LINGO2: variants seen among roughly 807,000 people sequenced by gnomAD.
LINGO2 encodes the protein leucine rich repeat and Ig domain containing 2, also known as leucine-rich repeat and immunoglobulin-like domain-containing nogo receptor-interacting protein 2.
A neutral mutation model predicts 30.6 loss-of-function variants in LINGO2; 14 were observed. The ratio of observed to expected loss-of-function variants is 0.46; its 90% CI spans 0.30 to 0.72. The LOEUF is 0.72. Ranked by LOEUF, LINGO2 falls within the 30% of genes least tolerant of loss-of-function variation. The pLI is 0.07. For missense variants in LINGO2, 729 were observed against 751.7 expected, an observed-to-expected ratio of 0.97 and a Z score of 0.35; for synonymous variants, 317 against 288.5, an observed-to-expected ratio of 1.10 and a Z score of -1.00.
the LINGO2 span, among the ~76,000 whole-genome samples, chr9:29,179,158 A>AATATATATATAT: frequency 1.9e-3 from 193 of 101,572 alleles, 1 homozygote; most frequent in Non-Finnish European, 2.5e-3. Context: ...TCTTACTGTA[A>AATATATATATAT]ATATATATAT....
At chr9:28,872,659 A>G in the LINGO2 span, among the ~76,000 whole-genome samples, 3 of 152,108 alleles carry the variant, frequency 2.0e-5, no homozygotes, top group African/African-American at 7.2e-5. Context: ...CTGGCAGGTG[A>G]TCATAACCAT....
intron 2 of LINGO2, among the ~76,000 whole-genome samples, chr9:28,474,056 T>A (rs1028482669): frequency 2.6e-5 from 4 of 152,100 alleles, no homozygotes; most frequent in African/African-American, 4.8e-5. Flanking sequence ...GTAAAATAAT[T>A]ATTAATAAAA....
At chr9:28,039,698 T>TA (rs1824110470) in intron 4 of LINGO2, among the ~76,000 whole-genome samples, 1 of 152,164 alleles carries the variant, frequency 6.6e-6, no homozygotes, top group South Asian at 2.1e-4. Flanking sequence ...GAGTGAAGGC[T>TA]AACTCAATCA....
chr9:28,528,423 T>C (rs983326162), intron 1 of LINGO2, among the ~76,000 whole-genome samples: 4 of 152,116 alleles, frequency 2.6e-5, no homozygotes, highest in African/African-American at 9.7e-5. Flanking sequence ...AGCACCAACA[T>C]GAAATTCTAC....
intron 4 of LINGO2, among the ~76,000 whole-genome samples, chr9:28,157,333 A>G (rs945688662): frequency 9.2e-5 from 14 of 152,186 alleles, no homozygotes; most frequent in Non-Finnish European, 1.5e-4. Context: ...CAAGCTCTAC[A>G]TTGACCCCTT....
intron 5 of LINGO2, among the ~76,000 whole-genome samples, chr9:27,985,937 C>A (rs1821103702): frequency 6.6e-6 from 1 of 151,852 alleles, no homozygotes. Flanking sequence ...TTTTCAATTT[C>A]CTCTCCAACC....
At chr9:28,095,402 G>A (rs1035605675) in intron 4 of LINGO2, among the ~76,000 whole-genome samples, 2 of 152,134 alleles carry the variant, frequency 1.3e-5, no homozygotes, top group African/African-American at 2.4e-5. Context: ...CAGAAATAAC[G>A]CCGCATATCT....
chr9:28,772,759 T>C, the LINGO2 span, among the ~76,000 whole-genome samples: 2 of 152,160 alleles, frequency 1.3e-5, no homozygotes, highest in African/African-American at 4.8e-5. Context: ...AGAAAAAAAG[T>C]TAACTTTAAA....
chr9:29,051,076 C>T, the LINGO2 span, among the ~76,000 whole-genome samples: 1 of 152,200 alleles, frequency 6.6e-6, no homozygotes, highest in Admixed American at 6.5e-5. Context: ...ATACTCCCTG[C>T]TCCAAGCAAT....
the LINGO2 span, among the ~76,000 whole-genome samples, chr9:28,704,275 G>A: frequency 2.0e-5 from 3 of 151,940 alleles, no homozygotes; most frequent in African/African-American, 7.2e-5. Context: ...AGATTTCTGA[G>A]GACAAATAAG....
chr9:28,520,004 T>C (rs1181302092), intron 1 of LINGO2, among the ~76,000 whole-genome samples: 6 of 152,218 alleles, frequency 3.9e-5, no homozygotes, highest in African/African-American at 1.2e-4. Context: ...GCTATTAATT[T>C]CATATTTTGA....
chr9:27,989,003 GTCT>G (rs1257910684), intron 5 of LINGO2, among the ~76,000 whole-genome samples: 2 of 151,920 alleles, frequency 1.3e-5, no homozygotes, highest in Non-Finnish European at 2.9e-5. Flanking sequence ...TAGCCTCTCA[GTCT>G]TCTTCCTCTA....
the LINGO2 span, among the ~76,000 whole-genome samples, chr9:28,692,249 C>T: frequency 2.0e-5 from 3 of 152,010 alleles, no homozygotes; most frequent in Non-Finnish European, 4.4e-5. Flanking sequence ...TTGAGGTCGG[C>T]GGATCACCTG....
chr9:29,118,356 G>C, the LINGO2 span, among the ~76,000 whole-genome samples: 1 of 152,178 alleles, frequency 6.6e-6, no homozygotes, highest in Non-Finnish European at 1.5e-5. Context: ...AATGGCACCT[G>C]TAAAAACCAG....
chr9:28,148,659 C>T lies in LINGO2; in HGVS notation c.-86-136254G>A. 2 of 1,532,608 alleles carry T rather than the reference C, an allele frequency of 1.3e-6. No homozygotes were observed. The highest frequency in any genetic ancestry group is 1.2e-5 in the South Asian group (1 of 83,924). 94.9% of individuals were successfully genotyped at this position (1,532,608 alleles called of 1,614,324 possible). ...ACAGAAAACAACCAGACTGACAAGG[C>T]CCAGGTGCCTGCAGTGAGTTTCTAC... On this transcript the variant is annotated intron_variant, in intron 4 of 5. Transcript: ENST00000379992. The surrounding 1 kb of genome is among the most constrained non-coding windows in gnomAD (Gnocchi z 5.1).
At chr9:29,149,648 G>A in the LINGO2 span, among the ~76,000 whole-genome samples, 1 of 151,988 alleles carries the variant, frequency 6.6e-6, no homozygotes, top group East Asian at 1.9e-4. Flanking sequence ...CTCCTTACGG[G>A]CCTCCAGGAT....
At chr9:29,152,383 C>T in the LINGO2 span, among the ~76,000 whole-genome samples, 7 of 152,236 alleles carry the variant, frequency 4.6e-5, no homozygotes, top group African/African-American at 1.4e-4. Flanking sequence ...CAGCACTATT[C>T]ACAATAGCAA....
the LINGO2 span, among the ~76,000 whole-genome samples, chr9:28,931,388 C>T: frequency 2.6e-5 from 4 of 152,184 alleles, no homozygotes; most frequent in Non-Finnish European, 4.4e-5. Context: ...TACAACACCA[C>T]CATGAGCATT....
chr9:28,694,494 T>C, the LINGO2 span, among the ~76,000 whole-genome samples: 3 of 152,160 alleles, frequency 2.0e-5, no homozygotes, highest in Admixed American at 6.6e-5. Flanking sequence ...GATTTCCTGA[T>C]GAAAATAATA....
Sources: allele counts gnomAD v4.1 joint callset (sites outside exome capture counted in the v4.1 genomes callset), GRCh38; gene constraint gnomAD v4.1.1; non-coding constraint Gnocchi (gnomAD v3.1); transcripts MANE v1.5; gene names NCBI Gene and HGNC (gene_info 2026-07-23, HGNC 2026-07-21).